LPP: variants seen among roughly 807,000 people sequenced by gnomAD.
LPP encodes the protein lipoma-preferred partner.
A neutral mutation model predicts 60.4 loss-of-function variants in LPP; 38 were observed. The ratio of observed to expected loss-of-function variants is 0.63; its 90% CI spans 0.49 to 0.83. LPP has a LOEUF of 0.83. LPP is among the 40% of genes least tolerant of loss of function. The pLI is 0.00. For synonymous variants in LPP, 328 were observed against 290.8 expected (o/e 1.13, Z -1.30); for missense variants, 902 against 783.6 (o/e 1.15, Z -1.80).
intron 4 of LPP, among the ~76,000 whole-genome samples, chr3:188,416,999 T>C (rs1171481427): frequency 6.6e-6 from 1 of 152,110 alleles, no homozygotes; most frequent in East Asian, 1.9e-4. Flanking sequence ...ACGATTAACC[T>C]AAAGAACTTA....
At chr3:188,290,503 T>C (rs1745581221) in intron 2 of LPP, among the ~76,000 whole-genome samples, 1 of 152,016 alleles carries the variant, frequency 6.6e-6, no homozygotes, top group African/African-American at 2.4e-5. Flanking sequence ...CAGCATGCCG[T>C]GCTTCAGTGG....
At chr3:188,764,484 T>C (rs1471628486) in intron 9 of LPP, among the ~76,000 whole-genome samples, 1 of 152,172 alleles carries the variant, frequency 6.6e-6, no homozygotes, top group Non-Finnish European at 1.5e-5. Context: ...TTCTTGGCTG[T>C]AGTTGCTATG....
chr3:188,475,479 T>C (rs1457754077), intron 4 of LPP, among the ~76,000 whole-genome samples: 1 of 152,122 alleles, frequency 6.6e-6, no homozygotes, highest in Non-Finnish European at 1.5e-5. Flanking sequence ...GCCAAAAGGA[T>C]AAAAAATTGA....
chr3:188,515,573 C>T (rs1285149888), intron 5 of LPP, among the ~76,000 whole-genome samples: 2 of 152,140 alleles, frequency 1.3e-5, no homozygotes, highest in African/African-American at 2.4e-5. Flanking sequence ...TTATTTAATG[C>T]TGTGTTCTCA....
At chr3:188,752,065 T>C (rs1006452799) in intron 8 of LPP, among the ~76,000 whole-genome samples, 1 of 152,218 alleles carries the variant, frequency 6.6e-6, no homozygotes, top group Non-Finnish European at 1.5e-5. Flanking sequence ...CTCTTTATTT[T>C]GAAGTTGAAC....
intron 9 of LPP, among the ~76,000 whole-genome samples, chr3:188,815,805 G>T (rs1370469295): frequency 6.6e-6 from 1 of 152,058 alleles, no homozygotes; most frequent in Non-Finnish European, 1.5e-5. Flanking sequence ...TGTTTCTTTG[G>T]CAACTGTTCA....
chr3:188,359,442 A>T (rs1768599202), intron 3 of LPP, among the ~76,000 whole-genome samples: 1 of 152,168 alleles, frequency 6.6e-6, no homozygotes, highest in Non-Finnish European at 1.5e-5. Flanking sequence ...AGGAGAAAAC[A>T]TGGTTAAAGT....
chr3:188,474,079 A>C (rs1802527865), intron 4 of LPP, among the ~76,000 whole-genome samples: 1 of 152,246 alleles, frequency 6.6e-6, no homozygotes, highest in South Asian at 2.1e-4. Context: ...CAATATTTGA[A>C]AAGTGGCAAA....
At chr3:188,400,060 AT>A (rs535427867) in intron 3 of LPP, among the ~76,000 whole-genome samples, 10 of 148,588 alleles carry the variant, frequency 6.7e-5, no homozygotes, top group African/African-American at 1.5e-4. Flanking sequence ...TTGTGCCTTG[AT>A]TTTTTTTTTC....
At chr3:188,533,000 T>C (rs972504969) in intron 6 of LPP, among the ~76,000 whole-genome samples, 5 of 152,236 alleles carry the variant, frequency 3.3e-5, no homozygotes. Flanking sequence ...TGTGGTCATA[T>C]GGACACATCG....
At chr3:188,584,159 A>T (rs1370768814) in intron 6 of LPP, among the ~76,000 whole-genome samples, 1 of 152,192 alleles carries the variant, frequency 6.6e-6, no homozygotes, top group Non-Finnish European at 1.5e-5. Context: ...ACAAACATTC[A>T]TGGAGAGCTA....
intron 3 of LPP, among the ~76,000 whole-genome samples, chr3:188,351,493 T>A (rs2150805049): frequency 6.6e-6 from 1 of 152,216 alleles, no homozygotes; most frequent in South Asian, 2.1e-4. Flanking sequence ...CCACTAAGAA[T>A]AAAGGTAATA....
chr3:188,785,535 C>CATATATATATATAT (rs369062490), intron 9 of LPP, among the ~76,000 whole-genome samples: 790 of 15,642 alleles, frequency 0.051, 161 homozygotes, highest in Middle Eastern at 0.086. Context: ...TATATTCCAT[C>CATATATATATATAT]ATATATATAT....
At chr3:188,554,865 G>C (rs1236139462) in intron 6 of LPP, among the ~76,000 whole-genome samples, 1 of 152,076 alleles carries the variant, frequency 6.6e-6, no homozygotes, top group African/African-American at 2.4e-5. Context: ...GAGGGTGAGG[G>C]TACAGCTATG....
At chr3:188,312,166 C>T (rs13082207) in intron 2 of LPP, among the ~76,000 whole-genome samples, 14 of 151,108 alleles carry the variant, frequency 9.3e-5, no homozygotes, top group Admixed American at 2.0e-4. Context: ...AACACACACA[C>T]AAACACACAC....
At chr3:188,286,033 A>G (rs1448616926) in intron 2 of LPP, among the ~76,000 whole-genome samples, 2 of 152,078 alleles carry the variant, frequency 1.3e-5, no homozygotes, top group Non-Finnish European at 2.9e-5. Context: ...GAAAAGACCC[A>G]CTTATATGGA....
At chr3:188,498,352 C>A (rs1267089905) in intron 5 of LPP, among the ~76,000 whole-genome samples, 1 of 152,160 alleles carries the variant, frequency 6.6e-6, no homozygotes, top group Non-Finnish European at 1.5e-5. Context: ...AATAACCCCC[C>A]ATTCCACTCT....
At chr3:188,455,877 G>T (rs1484188592) in intron 4 of LPP, among the ~76,000 whole-genome samples, 1 of 151,936 alleles carries the variant, frequency 6.6e-6, no homozygotes, top group Non-Finnish European at 1.5e-5. Context: ...CATTCACTTG[G>T]CATTTAAAAA....
chr3:188,872,676 G>A lies in LPP; in HGVS notation c.1623G>A (p.Glu541=). 1 of 1,614,162 alleles carries A rather than the reference G, an allele frequency of 6.2e-7. No homozygotes were observed. Among genetic ancestry groups the A allele is most frequent in the East Asian group, 2.2e-5 (1 of 44,872 alleles). ...CCCCGCGATGTTCTGTGTGCAAGGA[G>A]CCTATTATGCCAGCCCCGGGCCAGG... ...KFAPRCSVCK[E]PIMPAPGQEE... is the part of the protein sequence containing the mutation. The change falls in exon 11 of 12, where the codon GAG becomes GAA. Residue 541 remains glutamate (E), a synonymous_variant. Coordinates refer to ENST00000617246, the MANE Select transcript of LPP (RefSeq NM_001375462.1).
Sources: allele counts gnomAD v4.1 joint callset (sites outside exome capture counted in the v4.1 genomes callset), GRCh38; gene constraint gnomAD v4.1.1; transcripts MANE v1.5; gene names NCBI Gene and HGNC (gene_info 2026-07-23, HGNC 2026-07-21).